The following PDE4D variants were observed in gnomAD, a reference collection of about 807,000 sequenced individuals.
The protein encoded by PDE4D is phosphodiesterase 4D, also known as 3',5'-cyclic-AMP phosphodiesterase 4D.
PDE4D carries 24 observed loss-of-function variants against 87.4 expected under a neutral mutation model. The observed-to-expected ratio is 0.27, with a 90% CI of 0.20 to 0.39. PDE4D has a LOEUF of 0.39. Ranked by LOEUF, PDE4D falls within the 10% of genes least tolerant of loss-of-function variation. The pLI is 1.00. For synonymous variants in PDE4D, 384 were observed against 383.2 expected (o/e 1.00, Z -0.02); for missense variants, 714 against 1,041.0 (o/e 0.69, Z 4.32).
intron 1 of PDE4D, among the ~76,000 whole-genome samples, chr5:59,844,871 C>G (rs191235213): frequency 6.6e-6 from 1 of 152,036 alleles, no homozygotes; most frequent in Non-Finnish European, 1.5e-5. Flanking sequence ...GTGGGCCTGA[C>G]TGAATCAGAA....
intron 2 of PDE4D, among the ~76,000 whole-genome samples, chr5:60,053,913 C>T (rs185085086): frequency 8.5e-5 from 13 of 152,218 alleles, no homozygotes; most frequent in South Asian, 2.1e-4. Context: ...GACTTTTATG[C>T]GGCCAACAAA....
intron 1 of PDE4D, among the ~76,000 whole-genome samples, chr5:59,360,502 A>G (rs35284): frequency 0.3 from 45,468 of 152,084 alleles, 7,620 homozygotes; most frequent in East Asian, 0.39. Context: ...TCAGAATGAT[A>G]CATTGCAAAA....
rs578007520 is a variant in PDE4D, at chr5:60,077,924, A to G, written c.43-89207T>C. 6.6e-5 allele frequency among the ~76,000 whole-genome samples: 10 copies of G among 152,158 alleles called. No individual in the cohort carries two copies. The South Asian group carries it at 2.1e-3, about 32-fold the overall frequency. On this transcript the variant is annotated intron_variant, in intron 2 of 16. Transcript: ENST00000502484. ...GGACCAGGAACCGGTCCTGGTGTGCACTAGCATTGCTCAGGGTTCCCAGCT... is the reference window on the plus strand; with the variant it reads ...GGACCAGGAACCGGTCCTGGTGTGCGCTAGCATTGCTCAGGGTTCCCAGCT...
chr5:59,305,655 G>C (rs1434061795), intron 1 of PDE4D, among the ~76,000 whole-genome samples: 1 of 151,976 alleles, frequency 6.6e-6, no homozygotes, highest in Non-Finnish European at 1.5e-5. Flanking sequence ...TTTCATTTTT[G>C]ACACAATGCT....
At chr5:59,031,486 T>C (rs1757495940) in intron 6 of PDE4D, among the ~76,000 whole-genome samples, 1 of 146,214 alleles carries the variant, frequency 6.8e-6, no homozygotes, top group Non-Finnish European at 1.5e-5. Context: ...GGCGGGCCGA[T>C]CACAAGGTCA....
chr5:59,114,337 T>C (rs890394086), intron 5 of PDE4D, among the ~76,000 whole-genome samples: 1 of 152,212 alleles, frequency 6.6e-6, no homozygotes, highest in Non-Finnish European at 1.5e-5. Context: ...TTTTATGACG[T>C]ATTTTTATTT....
chr5:60,372,146 T>C (rs577721576), intron 1 of PDE4D, among the ~76,000 whole-genome samples: 1 of 152,114 alleles, frequency 6.6e-6, no homozygotes, highest in Admixed American at 6.5e-5. Flanking sequence ...GTCAGTCTTT[T>C]TTATTTTAGC....
At chr5:59,515,234 A>G (rs1810954451) in intron 1 of PDE4D, among the ~76,000 whole-genome samples, 1 of 152,236 alleles carries the variant, frequency 6.6e-6, no homozygotes, top group Admixed American at 6.5e-5. Flanking sequence ...TGTAGACACA[A>G]GTAAAGAATG....
intron 5 of PDE4D, among the ~76,000 whole-genome samples, chr5:59,084,417 A>G (rs1767310933): frequency 6.6e-6 from 1 of 151,990 alleles, no homozygotes; most frequent in South Asian, 2.1e-4. Context: ...AAATATATTT[A>G]TATAGAGACT....
chr5:59,129,401 C>A (rs116874126), intron 5 of PDE4D, among the ~76,000 whole-genome samples: 1 of 152,226 alleles, frequency 6.6e-6, no homozygotes, highest in East Asian at 1.9e-4. Context: ...CTGAGCCCAG[C>A]AAAGACGTGT....
chr5:59,429,120 G>C (rs141224897), intron 1 of PDE4D, among the ~76,000 whole-genome samples: 197 of 152,222 alleles, frequency 1.3e-3, no homozygotes, highest in African/African-American at 4.5e-3. Flanking sequence ...GAAAAATTAA[G>C]GTAATATGAA....
intron 1 of PDE4D, among the ~76,000 whole-genome samples, chr5:60,343,923 T>C (rs929162087): frequency 6.6e-6 from 1 of 152,112 alleles, no homozygotes; most frequent in Non-Finnish European, 1.5e-5. Context: ...CTCAGCTGCA[T>C]AGCCAATTAA....
intron 1 of PDE4D, among the ~76,000 whole-genome samples, chr5:59,864,416 G>A (rs1003374730): frequency 1.3e-5 from 2 of 152,142 alleles, no homozygotes; most frequent in South Asian, 2.1e-4. Flanking sequence ...TCTAACAAAT[G>A]CTTTTAAACA....
At chr5:59,812,376 T>G (rs1006774697) in intron 1 of PDE4D, among the ~76,000 whole-genome samples, 2 of 152,142 alleles carry the variant, frequency 1.3e-5, no homozygotes, top group Non-Finnish European at 2.9e-5. Flanking sequence ...GACCCTCAAA[T>G]GTATCAAGTG....
chr5:59,291,881 T>TA (rs1315222070), intron 1 of PDE4D, among the ~76,000 whole-genome samples: 1 of 151,782 alleles, frequency 6.6e-6, no homozygotes, highest in South Asian at 2.1e-4. Flanking sequence ...CAGTGAATGC[T>TA]AAAAAAATAT....
At chr5:59,647,762 T>G (rs1457915425) in intron 1 of PDE4D, among the ~76,000 whole-genome samples, 3 of 152,194 alleles carry the variant, frequency 2.0e-5, no homozygotes, top group Non-Finnish European at 4.4e-5. Flanking sequence ...ACCTCAATAT[T>G]CTATAAAGAT....
intron 1 of PDE4D, among the ~76,000 whole-genome samples, chr5:59,656,648 C>T (rs1009010654): frequency 2.0e-5 from 3 of 152,084 alleles, no homozygotes; most frequent in Admixed American, 6.5e-5. Flanking sequence ...GTCACCACTA[C>T]GTGTGAGAAC....
intron 1 of PDE4D, among the ~76,000 whole-genome samples, chr5:59,342,419 CTT>C (rs2153582384): frequency 6.6e-6 from 1 of 152,190 alleles, no homozygotes; most frequent in South Asian, 2.1e-4. Context: ...TCTAGTGGCT[CTT>C]GAGAGAAGAC....
chr5:60,147,697 G>A, intron 2 of PDE4D: 1 of 445,894 alleles, frequency 2.2e-6, no homozygotes, highest in South Asian at 1.6e-5. Context: ...TGAGGCTGCT[G>A]CTACTGCAAG....
Sources: gnomAD v4.1 joint callset for allele counts (sites outside exome capture counted in the v4.1 genomes callset) on GRCh38, gnomAD v4.1.1 for gene constraint, MANE v1.5 for transcripts, NCBI Gene and HGNC (gene_info 2026-07-23, HGNC 2026-07-21) for gene names.